CYP2F1: variants seen among roughly 807,000 people sequenced by gnomAD.
The protein encoded by CYP2F1 is cytochrome P450 family 2 subfamily F member 1.
Under a neutral mutation model 40.4 loss-of-function variants are expected in CYP2F1, and 33 were observed. That is an observed-to-expected ratio of 0.82 (90% CI 0.62 to 1.09). CYP2F1 has a LOEUF of 1.09. Ranked by LOEUF, CYP2F1 falls within the 50% of genes least tolerant of loss-of-function variation. CYP2F1 has a pLI of 0.00. For missense variants in CYP2F1, 566 were observed against 655.7 expected (o/e 0.86, Z 1.49); for synonymous variants, 235 against 277.2 (o/e 0.85, Z 1.51).
At position 41,122,887 on chromosome 19, in the gene CYP2F1, C is replaced by T; in HGVS notation, c.888C>T (p.Leu296=). 3 of 1,599,968 alleles carry T rather than the reference C, an allele frequency of 1.9e-6. No homozygotes were observed. The highest frequency in any genetic ancestry group is 1.1e-5 in the South Asian group (1 of 88,616). Residue 296 remains leucine (L), a synonymous_variant, in exon 7 of 10, where the codon CTC becomes CTT. Transcript: ENST00000331105. ...TGCTGATGACCACACATAACCTGCTCTTTGGCGGCACCAAGACGGTGAGCA... is the reference window on the plus strand; with the variant it reads ...TGCTGATGACCACACATAACCTGCTTTTTGGCGGCACCAAGACGGTGAGCA... ...DTLLMTTHNL[L]FGGTKTVSTT...
At chr19:41,124,628 G>A (rs1381943431) in intron 7 of CYP2F1, 91 bp from the exon 8 acceptor site, 45 of 1,185,440 alleles carry the variant, frequency 3.8e-5, no homozygotes, top group Non-Finnish European at 5.0e-5. Flanking sequence ...TTGACTAGAC[G>A]CCTCCCCACA....
At chr19:41,123,220 C>T (rs1161878440) in intron 7 of CYP2F1, 19 of 565,266 alleles carry the variant, frequency 3.4e-5, no homozygotes, top group African/African-American at 1.3e-4. Context: ...TTTTTGGAGA[C>T]GGAGTCTGGC....
intron 3 of CYP2F1, among the ~76,000 whole-genome samples, chr19:41,120,105 G>A (rs530117423): frequency 4.6e-5 from 7 of 152,154 alleles, no homozygotes; most frequent in African/African-American, 1.4e-4. Context: ...ACAGCCCAGA[G>A]TGATCAGGTT....
chr19:41,124,828 C>T lies in CYP2F1; in HGVS notation c.1074C>T (p.Arg358=). The T allele has an allele frequency of 6.2e-7, 1 of 1,611,960 alleles. No homozygotes were observed. The part of the protein sequence containing the change: ...YTDAVIHEVQ[R]FADIIPMNLP... Reference sequence around the variant, plus strand: ...ACGCGGTGATCCACGAGGTGCAGCGCTTTGCAGACATCATCCCCATGAACT... The same window carrying T: ...ACGCGGTGATCCACGAGGTGCAGCGTTTTGCAGACATCATCCCCATGAACT... The change falls in exon 8 of 10, where the codon CGC becomes CGT. Residue 358 remains arginine, a synonymous_variant. Transcript: ENST00000331105.
chr19:41,124,724 G>T lies in CYP2F1; in HGVS notation c.970G>T (p.Val324Leu), dbSNP rs182353952. The T allele has an allele frequency of 1.2e-6, 2 of 1,601,386 alleles. No individual in the cohort carries two copies. The highest frequency in any genetic ancestry group is 1.7e-6 in the Non-Finnish European group (2 of 1,178,996). ...GCTTCCCGCTTCCTCTCCAGCCCGC[G>T]TGCAGGAGGAGATCGACCTCGTGGT... Reference protein sequence around the residue: ...LMKYPKVQARVQEEIDLVVGR... With the variant: ...LMKYPKVQARLQEEIDLVVGR... Residue 324 changes from valine (V) to leucine (L), a missense_variant, in exon 8 of 10, where the codon GTG becomes TTG. Around this residue, in one of 5 missense-constraint regions of CYP2F1, gnomAD observed 128 missense variants for 121.0 expected, o/e 1.06. Coordinates refer to ENST00000331105, the MANE Select transcript of CYP2F1 (RefSeq NM_000774.5).
In CYP2F1 at chr19:41,125,498, C is replaced by G; in HGVS notation, c.1158C>G (p.Thr386=). The G allele has an allele frequency of 6.7e-7, 1 of 1,498,456 alleles. No individual in the cohort carries two copies. The highest frequency in any genetic ancestry group is 9.2e-7 in the Non-Finnish European group (1 of 1,089,796). The allele number at this position is 1,498,456 out of a possible 1,614,324, so 92.8% of individuals were successfully genotyped here. ...CCACCTCCTCACCCACACAGGGCAC[C>G]GATGTCATCACCCTCCTTAACACCG... ...AFRGFLIPKG[T]DVITLLNTVH... The change falls in exon 9 of 10, where the codon ACC becomes ACG. Residue 386 remains threonine, a synonymous_variant. Coordinates refer to ENST00000331105, the MANE Select transcript of CYP2F1 (RefSeq NM_000774.5).
At chr19:41,123,776 G>A (rs1311768743) in intron 7 of CYP2F1, among the ~76,000 whole-genome samples, 1 of 151,014 alleles carries the variant, frequency 6.6e-6, no homozygotes, top group East Asian at 1.9e-4. Context: ...CTCTCACCTT[G>A]GCCTCCCAAA....
intron 3 of CYP2F1, among the ~76,000 whole-genome samples, chr19:41,116,823 T>C (rs1036458322): frequency 1.3e-5 from 2 of 151,996 alleles, no homozygotes; most frequent in Admixed American, 1.3e-4. Context: ...CTTTCCTGAA[T>C]TGTACTCTTG....
chr19:41,120,753 A>T (rs1427645856), intron 4 of CYP2F1, among the ~76,000 whole-genome samples: 1 of 151,872 alleles, frequency 6.6e-6, no homozygotes, highest in Non-Finnish European at 1.5e-5. Context: ...GAGTGCTGGA[A>T]CTATAGGCAT....
intron 7 of CYP2F1, 143 bp downstream of exon 7, chr19:41,123,106 C>A (rs1225254796): frequency 1.1e-6 from 1 of 947,128 alleles, no homozygotes; most frequent in Non-Finnish European, 1.6e-6. Flanking sequence ...CAAACCCACA[C>A]GGAGGCCGAT....
chr19:41,124,253 C>CCCCT (rs1568381410), intron 7 of CYP2F1, among the ~76,000 whole-genome samples: 10 of 93,140 alleles, frequency 1.1e-4, no homozygotes, highest in African/African-American at 5.0e-4. Context: ...CTTCCCCCCC[C>CCCCT]CCTTTTTTTT....
At chr19:41,119,946 A>T (rs2032088705) in intron 3 of CYP2F1, among the ~76,000 whole-genome samples, 1 of 151,558 alleles carries the variant, frequency 6.6e-6, no homozygotes, top group Non-Finnish European at 1.5e-5. Context: ...GTCGCAAAAA[A>T]TAATAATCAT....
chr19:41,119,805 G>T (rs1173426251), intron 3 of CYP2F1, among the ~76,000 whole-genome samples: 1 of 133,090 alleles, frequency 7.5e-6, no homozygotes, highest in Non-Finnish European at 1.6e-5. Flanking sequence ...GGTGGGCGTG[G>T]TGGTGCACAC....
rs966081834 is a variant in CYP2F1, at chr19:41,117,321, G to A, written c.334+704G>A. Among the ~76,000 whole-genome samples, 8 of 151,910 alleles carry A rather than the reference G, an allele frequency of 5.3e-5. No homozygotes were observed. The East Asian group carries it at 1.5e-3, about 29-fold the overall frequency. On this transcript the variant is annotated intron_variant, in intron 3 of 9. Transcript: ENST00000331105. ...AATGTTTTGTATTTTTAGTAGAGAT[G>A]GGGTTTTGCCATGTTGGTCAGGCTG... is the stretch of plus-strand genomic sequence containing the variant.
intron 2 of CYP2F1, 37 bp downstream of exon 2, chr19:41,116,396 AAGG>A (rs1196573433): frequency 3.1e-6 from 5 of 1,610,454 alleles, no homozygotes; most frequent in South Asian, 1.1e-5. Flanking sequence ...GTGGAAGGAT[AAGG>A]AGGAGGGGTC....
chr19:41,127,650 A>G (rs1271537271), intron 9 of CYP2F1, among the ~76,000 whole-genome samples: 2 of 152,282 alleles, frequency 1.3e-5, no homozygotes, highest in African/African-American at 4.8e-5. Context: ...TCCCCATTTT[A>G]AATATCCAGA....
At chr19:41,123,317 TCAGCCTCCCAAGTAGCTGGGATTA>T (rs893291749) in intron 7 of CYP2F1, 53 of 392,564 alleles carry the variant, frequency 1.4e-4, no homozygotes, top group Admixed American at 2.6e-4. Context: ...TTCTCCTGCC[TCAGCCTCCCAAGTAGCTGGGATTA>T]CAGCCTCCCA....
At chr19:41,118,869 CT>C (rs1297075817) in intron 3 of CYP2F1, among the ~76,000 whole-genome samples, 3 of 152,312 alleles carry the variant, frequency 2.0e-5, no homozygotes, top group African/African-American at 7.2e-5. Flanking sequence ...ACACTATAGT[CT>C]TTTTTCTCTT....
chr19:41,116,733 T>C (rs1568375616), intron 3 of CYP2F1, 116 bp downstream of exon 3: 1 of 1,163,760 alleles, frequency 8.6e-7, no homozygotes. Flanking sequence ...ACATCACTGA[T>C]GACACCAAAT....
Sources: gnomAD v4.1 joint callset for allele counts (sites outside exome capture counted in the v4.1 genomes callset) on GRCh38, gnomAD v4.1.1 for gene constraint, gnomAD v4.1.1 regional missense constraint, MANE v1.5 for transcripts, NCBI Gene and HGNC (gene_info 2026-07-23, HGNC 2026-07-21) for gene names.